HDAC9: variants seen among roughly 807,000 people sequenced by gnomAD.
HDAC9 encodes the protein histone deacetylase 9, also known as MEF-2 interacting transcription repressor (MITR) protein.
Under a neutral mutation model 139.4 loss-of-function variants are expected in HDAC9, and 41 were observed. The observed-to-expected ratio is 0.29, with a 90% confidence interval of 0.23 to 0.38. HDAC9 has a LOEUF of 0.38. Ranked by LOEUF, HDAC9 falls within the 10% of genes least tolerant of loss-of-function variation. The pLI, the probability that HDAC9 is intolerant of heterozygous loss-of-function variation, is 1.00. For synonymous variants in HDAC9, 517 were observed against 476.2 expected (o/e 1.09, Z -1.12); for missense variants, 1,147 against 1,297.0 (o/e 0.88, Z 1.78).
intron 13 of HDAC9, among the ~76,000 whole-genome samples, chr7:18,739,440 G>T (rs1787236808): frequency 6.6e-6 from 1 of 152,138 alleles, no homozygotes; most frequent in African/African-American, 2.4e-5. Context: ...CTACAGATGG[G>T]GTTTTGGTGT....
intron 2 of HDAC9, among the ~76,000 whole-genome samples, chr7:18,552,455 A>G (rs906943781): frequency 6.6e-6 from 1 of 152,172 alleles, no homozygotes; most frequent in Non-Finnish European, 1.5e-5. Flanking sequence ...AAAAAGCACT[A>G]GAAGCCTAAT....
chr7:18,668,641 G>C, intron 12 of HDAC9: 4 of 983,530 alleles, frequency 4.1e-6, no homozygotes, highest in Non-Finnish European at 4.8e-6. Context: ...AAACTACCTG[G>C]AACCAGTGAA....
chr7:18,582,393 A>T (rs1828091870), intron 2 of HDAC9, among the ~76,000 whole-genome samples: 1 of 152,170 alleles, frequency 6.6e-6, no homozygotes, highest in African/African-American at 2.4e-5. Flanking sequence ...GTGGTAGAAT[A>T]TGTGCTCGAT....
chr7:18,674,931 A>G lies in HDAC9; in HGVS notation c.1731+8455A>G, dbSNP rs1584814127. 3.3e-5 allele frequency among the ~76,000 whole-genome samples: 5 copies of G among 152,154 alleles called. No homozygotes were observed. The South Asian group carries it at 6.2e-4, about 19-fold the overall frequency. ...ATTAATTTTTATAATTTATATTTGT[A>G]TATGAATTATTGACTATGACTTCTA... On this transcript the variant is annotated intron_variant, in intron 12 of 25. Coordinates refer to ENST00000686413, the MANE Select transcript of HDAC9 (RefSeq NM_178425.4).
At chr7:18,285,214 A>C (rs1797359469) in intron 2 of HDAC9, among the ~76,000 whole-genome samples, 1 of 152,114 alleles carries the variant, frequency 6.6e-6, no homozygotes, top group African/African-American at 2.4e-5. Context: ...TTGGGTCATT[A>C]ATACCAAGTC....
Position 18,310,827 on chromosome 7 carries a change from C to T in HDAC9, c.-42+20312C>T, listed in dbSNP as rs1053393317. Among the ~76,000 whole-genome samples, 23 of 151,486 alleles carry T rather than the reference C, an allele frequency of 1.5e-4. No homozygotes were observed. The East Asian group carries it at 4.5e-3, about 29-fold the overall frequency. The stretch of plus-strand genomic sequence containing the variant: ...AATCCATTACACACACACACACACA[C>T]ACACACACACACACACACACACTCT... On this transcript the variant is annotated intron_variant, in intron 1 of 3. Coordinates refer to the HDAC9 transcript ENST00000413509.
intron 16 of HDAC9, among the ~76,000 whole-genome samples, chr7:18,779,853 A>G (rs1279269232): frequency 6.6e-6 from 1 of 152,028 alleles, no homozygotes; most frequent in Non-Finnish European, 1.5e-5. Flanking sequence ...CACCTGACCT[A>G]CCTATCCAAC....
chr7:18,707,217 C>T (rs1213401548), intron 12 of HDAC9, among the ~76,000 whole-genome samples: 1 of 152,216 alleles, frequency 6.6e-6, no homozygotes, highest in Non-Finnish European at 1.5e-5. Flanking sequence ...CTAACAATGT[C>T]ATATACCTCA....
intron 2 of HDAC9, among the ~76,000 whole-genome samples, chr7:18,186,538 T>G (rs1389859365): frequency 2.0e-5 from 3 of 152,188 alleles, no homozygotes; most frequent in Admixed American, 2.0e-4. Flanking sequence ...TAGGGAAAAC[T>G]TCGGGTAGGG....
chr7:18,850,395 T>C (rs567596159), intron 21 of HDAC9, among the ~76,000 whole-genome samples: 1 of 152,244 alleles, frequency 6.6e-6, no homozygotes, highest in East Asian at 1.9e-4. Context: ...AGTGTGACAA[T>C]GTCCTTCCAA....
intron 12 of HDAC9, among the ~76,000 whole-genome samples, chr7:18,707,839 C>G (rs1784047704): frequency 7.0e-6 from 1 of 142,400 alleles, no homozygotes; most frequent in Non-Finnish European, 1.5e-5. Flanking sequence ...GAAGGGAACA[C>G]AGGGAGGGGA....
At chr7:18,845,389 G>C (rs191230231) in intron 21 of HDAC9, among the ~76,000 whole-genome samples, 1 of 152,240 alleles carries the variant, frequency 6.6e-6, no homozygotes, top group East Asian at 1.9e-4. Context: ...TCTGCACCAA[G>C]TTTGAAGGGC....
At chr7:18,797,423 C>T (rs755799354) in intron 17 of HDAC9, among the ~76,000 whole-genome samples, 4 of 152,138 alleles carry the variant, frequency 2.6e-5, no homozygotes, top group Non-Finnish European at 4.4e-5. Flanking sequence ...TAAATACCCA[C>T]GAACTCCTCA....
chr7:18,964,287 C>G (rs1017806403), intron 24 of HDAC9, among the ~76,000 whole-genome samples: 1 of 152,126 alleles, frequency 6.6e-6, no homozygotes, highest in African/African-American at 2.4e-5. Flanking sequence ...CTACTTAACT[C>G]CTATACATAC....
intron 1 of HDAC9, among the ~76,000 whole-genome samples, chr7:18,117,701 T>A (rs961084266): frequency 1.3e-5 from 2 of 152,128 alleles, no homozygotes; most frequent in African/African-American, 2.4e-5. Context: ...ATCCAGAGTC[T>A]GAGAGGGAGC....
At chr7:18,714,325 A>G (rs990600935) in intron 12 of HDAC9, among the ~76,000 whole-genome samples, 5 of 152,158 alleles carry the variant, frequency 3.3e-5, no homozygotes, top group African/African-American at 1.2e-4. Context: ...GTTCTTATCA[A>G]CCCTGTTAAA....
At chr7:18,273,052 CTTCGT>C (rs1209698869) in intron 2 of HDAC9, among the ~76,000 whole-genome samples, 3 of 97,698 alleles carry the variant, frequency 3.1e-5, no homozygotes, top group African/African-American at 1.2e-4. Flanking sequence ...TCTTCCCCTT[CTTCGT>C]TTTTTTTTTT....
chr7:18,093,311 A>C (rs544139448), intron 1 of HDAC9, among the ~76,000 whole-genome samples: 33 of 152,326 alleles, frequency 2.2e-4, no homozygotes, highest in African/African-American at 7.7e-4. Context: ...CCAGAGCCTG[A>C]AGTCTTGTAG....
intron 12 of HDAC9, among the ~76,000 whole-genome samples, chr7:18,694,335 TG>T (rs1199124882): frequency 9.2e-5 from 14 of 152,178 alleles, no homozygotes; most frequent in Admixed American, 9.2e-4. Flanking sequence ...CTCCTTCCTT[TG>T]TCCCTCTCTC....
Sources: allele counts gnomAD v4.1 joint callset (sites outside exome capture counted in the v4.1 genomes callset), GRCh38; gene constraint gnomAD v4.1.1; transcripts MANE v1.5; gene names NCBI Gene and HGNC (gene_info 2026-07-23, HGNC 2026-07-21).